The following INPP5A variants were observed in gnomAD, a reference collection of about 807,000 sequenced individuals.
INPP5A encodes 43 kDa inositol polyphosphate 5-phophatase.
INPP5A carries 14 observed loss-of-function variants against 65.2 expected under a neutral mutation model. The ratio of observed to expected loss-of-function variants is 0.21; its 90% CI spans 0.14 to 0.34. INPP5A has a LOEUF of 0.34. INPP5A is among the 10% of genes least tolerant of loss of function. INPP5A has a pLI of 1.00. For synonymous variants in INPP5A, 207 were observed against 208.3 expected (o/e 0.99, Z 0.05); for missense variants, 431 against 545.6 (o/e 0.79, Z 2.09).
At chr10:132,747,126 A>G (rs1200493949) in intron 9 of INPP5A, among the ~76,000 whole-genome samples, 4 of 152,230 alleles carry the variant, frequency 2.6e-5, no homozygotes, top group Non-Finnish European at 1.5e-5. Flanking sequence ...GGATGGCTAC[A>G]ATGGCCGTCT....
intron 3 of INPP5A, among the ~76,000 whole-genome samples, chr10:132,648,337 CGT>C (rs2072526748): frequency 6.6e-6 from 1 of 152,248 alleles, no homozygotes; most frequent in Non-Finnish European, 1.5e-5. Flanking sequence ...CCCGCGATGC[CGT>C]GTGTGTTTCC....
chr10:132,570,606 A>G (rs2071328989), intron 1 of INPP5A, among the ~76,000 whole-genome samples: 1 of 152,018 alleles, frequency 6.6e-6, no homozygotes, highest in Non-Finnish European at 1.5e-5. Flanking sequence ...CTGAATCTTC[A>G]TTGTGGGTGT....
In INPP5A at chr10:132,592,702, C is replaced by T. The variant is rs767432068; in HGVS notation, c.76-15213C>T. Among the ~76,000 whole-genome samples, 41 of 152,312 alleles carry T rather than the reference C, an allele frequency of 2.7e-4. No individual in the cohort carries two copies. In the South Asian group the frequency reaches 4.4e-3, roughly 16 times the overall value. ...GATCACAGGCGTGAGCCACCGTGTCCGGCCAAAAATGTTTAAAATAATATT... is the reference window on the plus strand; with the variant it reads ...GATCACAGGCGTGAGCCACCGTGTCTGGCCAAAAATGTTTAAAATAATATT... On this transcript the variant is annotated intron_variant, in intron 1 of 15. Transcript: ENST00000368594.
Position 132,749,569 on chromosome 10 carries a change from A to T in INPP5A, c.785A>T (p.Glu262Val). The change falls in exon 10 of 16, where the codon GAA becomes GTA. Residue 262 changes from glutamate (E) to valine (V), a missense_variant. Physicochemically the swap from Glu to Val is moderately radical, Grantham distance 121 (BLOSUM62 -2). Transcript: ENST00000368594. The part of the protein sequence containing the change: ...MQTVRAADTN[E>V]VVKLIFRESD... Reference sequence around the variant, plus strand: ...ACGGTCCGGGCCGCCGACACCAATGAAGTGGTGAAGCTCATATTTCGTGAG... The same window carrying T: ...ACGGTCCGGGCCGCCGACACCAATGTAGTGGTGAAGCTCATATTTCGTGAG... 6.2e-7 allele frequency: 1 copy of T among 1,613,010 alleles called. No homozygotes were observed. The highest frequency in any genetic ancestry group is 8.5e-7 in the Non-Finnish European group (1 of 1,180,012).
chr10:132,565,634 T>C (rs1005251594), intron 1 of INPP5A, among the ~76,000 whole-genome samples: 1 of 152,158 alleles, frequency 6.6e-6, no homozygotes, highest in African/African-American at 2.4e-5. Flanking sequence ...TGTGTGTATA[T>C]GTATGTATAT....
intron 11 of INPP5A, among the ~76,000 whole-genome samples, chr10:132,752,327 T>C (rs1473793090): frequency 1.3e-5 from 2 of 150,464 alleles, no homozygotes; most frequent in Non-Finnish European, 3.0e-5. Context: ...TGGAAGGAGC[T>C]AGGAGACAGG....
chr10:132,609,113 G>C (rs1050974252), intron 2 of INPP5A, among the ~76,000 whole-genome samples: 7 of 152,242 alleles, frequency 4.6e-5, no homozygotes, highest in African/African-American at 1.4e-4. Flanking sequence ...GCACCTATGT[G>C]GTGAGGAAGC....
At chr10:132,728,764 G>A (rs1050582177) in intron 9 of INPP5A, among the ~76,000 whole-genome samples, 1 of 152,254 alleles carries the variant, frequency 6.6e-6, no homozygotes, top group Non-Finnish European at 1.5e-5. Flanking sequence ...AAATGTCACA[G>A]TAAAGGGCAG....
chr10:132,564,096 G>A, intron 1 of INPP5A, among the ~76,000 whole-genome samples: 1 of 152,188 alleles, frequency 6.6e-6, no homozygotes. Flanking sequence ...AGCTGGTTCA[G>A]GAGCCTGCTG....
intron 11 of INPP5A, among the ~76,000 whole-genome samples, chr10:132,752,768 G>A (rs912864056): frequency 1.3e-5 from 2 of 151,998 alleles, no homozygotes; most frequent in African/African-American, 4.8e-5. Context: ...TCTTTCATGT[G>A]GATCCAAAGT....
At chr10:132,612,442 A>C (rs60958551) in intron 2 of INPP5A, among the ~76,000 whole-genome samples, 4,089 of 147,732 alleles carry the variant, frequency 0.028, 79 homozygotes, top group African/African-American at 0.049. Flanking sequence ...GGAGGCTGTG[A>C]AGGTGCCCTG....
At position 132,765,753 on chromosome 10, in the gene INPP5A, C is replaced by T; in HGVS notation, c.904-20C>T. 1 of 1,527,874 alleles carries T rather than the reference C, an allele frequency of 6.5e-7. No individual in the cohort carries two copies. Among genetic ancestry groups the T allele is most frequent in the East Asian group, 2.3e-5 (1 of 44,430 alleles). 94.6% of individuals were successfully genotyped at this position (1,527,874 alleles called of 1,614,324 possible). Reference sequence around the variant, plus strand: ...AGGAAAACCAATGTGACTTTATTTTCTGCTCTTTCTTTTCTTTAGCTCTTG... The same window carrying T: ...AGGAAAACCAATGTGACTTTATTTTTTGCTCTTTCTTTTCTTTAGCTCTTG... On this transcript the variant is annotated intron_variant, in intron 11 of 15. Transcript: ENST00000368594.
At position 132,651,563 on chromosome 10, in the gene INPP5A, T is replaced by TG. The variant is rs1295860829; in HGVS notation, c.306+1060dup. Among the ~76,000 whole-genome samples, 1 of 152,150 alleles carries TG rather than the reference T, an allele frequency of 6.6e-6. No homozygotes were observed. The highest frequency in any genetic ancestry group is 1.5e-5 in the Non-Finnish European group (1 of 68,010). The stretch of plus-strand genomic sequence containing the variant: ...GCCCTGCATCCTTCTCCCCCATCTC[T>TG]GGCCTTCTGTCCCCAGCATCAGCGC... On this transcript the variant is annotated intron_variant, in intron 4 of 15. Coordinates refer to ENST00000368594, the MANE Select transcript of INPP5A (RefSeq NM_005539.5). The surrounding 1 kb of genome is among the most constrained non-coding windows in gnomAD (Gnocchi z 5.0).
intron 1 of INPP5A, among the ~76,000 whole-genome samples, chr10:132,588,542 C>T (rs932655149): frequency 2.0e-5 from 3 of 152,220 alleles, no homozygotes; most frequent in Non-Finnish European, 4.4e-5. Flanking sequence ...CAGGGATAAG[C>T]GAGTCGTGCG....
chr10:132,723,379 T>C (rs1202796746), intron 8 of INPP5A, among the ~76,000 whole-genome samples: 1 of 152,256 alleles, frequency 6.6e-6, no homozygotes, highest in East Asian at 1.9e-4. Flanking sequence ...TTCTGCTGTT[T>C]GTTTAGCCAA....
intron 2 of INPP5A, among the ~76,000 whole-genome samples, chr10:132,638,363 C>G (rs1472893980): frequency 6.6e-6 from 1 of 152,166 alleles, no homozygotes; most frequent in Non-Finnish European, 1.5e-5. Context: ...TCCGGACTTG[C>G]TGGCTGTGTG....
At chr10:132,658,638 GC>G (rs1185560158) in intron 4 of INPP5A, among the ~76,000 whole-genome samples, 1 of 152,144 alleles carries the variant, frequency 6.6e-6, no homozygotes, top group Non-Finnish European at 1.5e-5. Context: ...GAGTCCGCCG[GC>G]CCCCCGGGGG....
At chr10:132,586,230 C>A (rs1249423672) in intron 1 of INPP5A, among the ~76,000 whole-genome samples, 1 of 152,188 alleles carries the variant, frequency 6.6e-6, no homozygotes, top group Non-Finnish European at 1.5e-5. Context: ...AGACTTCGGG[C>A]CTTCTCCACG....
At chr10:132,596,993 G>A (rs1564929154) in intron 1 of INPP5A, among the ~76,000 whole-genome samples, 2 of 147,918 alleles carry the variant, frequency 1.4e-5, no homozygotes, top group African/African-American at 5.1e-5. Context: ...GCATGCACGT[G>A]TGTTTGTGTG....
Sources: allele counts gnomAD v4.1 joint callset (sites outside exome capture counted in the v4.1 genomes callset), GRCh38; gene constraint gnomAD v4.1.1; non-coding constraint Gnocchi (gnomAD v3.1); transcripts MANE v1.5; gene names NCBI Gene and HGNC (gene_info 2026-07-23, HGNC 2026-07-21).